Variants in GRB10 observed in about 807,000 individuals in gnomAD.
GRB10 encodes growth factor receptor bound protein 10, also known as growth factor receptor-bound protein 10.
Under a neutral mutation model 80.9 loss-of-function variants are expected in GRB10, and 20 were observed. The ratio of observed to expected loss-of-function variants is 0.25; its 90% CI spans 0.17 to 0.36. GRB10 has a LOEUF of 0.36. Ranked by LOEUF, GRB10 falls within the 10% of genes least tolerant of loss-of-function variation. GRB10 has a pLI of 1.00. For missense variants in GRB10, 548 were observed against 747.7 expected, an observed-to-expected ratio of 0.73 and a Z score of 3.12; for synonymous variants, 291 against 291.5, an observed-to-expected ratio of 1.00 and a Z score of 0.02.
chr7:50,633,538 T>C (rs2054393425), intron 7 of GRB10, among the ~76,000 whole-genome samples: 1 of 152,106 alleles, frequency 6.6e-6, no homozygotes, highest in South Asian at 2.1e-4. Flanking sequence ...ATTAGCCCTC[T>C]AGCAATGGCT....
intron 4 of GRB10, among the ~76,000 whole-genome samples, chr7:50,719,031 CAT>C (rs1357987009): frequency 6.6e-6 from 1 of 152,196 alleles, no homozygotes; most frequent in Non-Finnish European, 1.5e-5. Flanking sequence ...ATGCCCAGCA[CAT>C]GAGTGTTTAA....
intron 7 of GRB10, among the ~76,000 whole-genome samples, chr7:50,648,359 T>G (rs2237451): frequency 3.3e-5 from 5 of 152,096 alleles, no homozygotes; most frequent in Non-Finnish European, 7.4e-5. Context: ...TGGGAACAAG[T>G]GGAATTGAAT....
intron 5 of GRB10, among the ~76,000 whole-genome samples, chr7:50,689,733 C>A (rs1223926740): frequency 6.6e-6 from 1 of 151,886 alleles, no homozygotes; most frequent in Non-Finnish European, 1.5e-5. Context: ...TAATATTAGC[C>A]ATGTTAACAA....
chr7:50,767,908 G>A (rs565749291), intron 2 of GRB10, among the ~76,000 whole-genome samples: 1 of 152,246 alleles, frequency 6.6e-6, no homozygotes, highest in South Asian at 2.1e-4. Flanking sequence ...CTGGAACTGG[G>A]GAGACCAGTT....
intron 7 of GRB10, chr7:50,645,669 T>C: frequency 1.0e-6 from 1 of 980,606 alleles, no homozygotes; most frequent in Non-Finnish European, 1.2e-6. Flanking sequence ...GCAAACGCCG[T>C]CGTATCAGAC....
chr7:50,686,643 C>G (rs2062134480), intron 5 of GRB10, among the ~76,000 whole-genome samples: 1 of 152,240 alleles, frequency 6.6e-6, no homozygotes, highest in South Asian at 2.1e-4. Context: ...TAGAACATTA[C>G]ATTATTAATC....
chr7:50,631,074 G>A (rs2053907947), intron 7 of GRB10, among the ~76,000 whole-genome samples: 1 of 152,132 alleles, frequency 6.6e-6, no homozygotes, highest in Non-Finnish European at 1.5e-5. Context: ...GCCCCCACGG[G>A]GTTGTTGTGT....
intron 1 of GRB10, among the ~76,000 whole-genome samples, chr7:50,790,453 C>T (rs4947891): frequency 0.91 from 138,018 of 152,336 alleles, 62,671 homozygotes; most frequent in African/African-American, 0.96. Context: ...ACTGATTACT[C>T]AAATGAAAGA....
At chr7:50,681,529 T>A (rs1217310215) in intron 5 of GRB10, among the ~76,000 whole-genome samples, 1 of 152,234 alleles carries the variant, frequency 6.6e-6, no homozygotes, top group Admixed American at 6.5e-5. Flanking sequence ...ATTTTACAAA[T>A]GAGCTGCTAA....
At position 50,782,095 on chromosome 7, in the gene GRB10, A is replaced by G. The variant is rs1190826359; in HGVS notation, c.-327+329T>C. ...GCTGCCCACCACCTGGCGAGGAAGG[A>G]GCGGGCGAGGTTCGCTCGAATCGTC... On this transcript the variant is annotated intron_variant, in intron 1 of 18. Coordinates refer to ENST00000401949, the MANE Select transcript of GRB10 (RefSeq NM_001350814.2). The surrounding 1 kb of genome is among the most constrained non-coding windows in gnomAD (Gnocchi z 6.6). Among the ~76,000 whole-genome samples, 1 of 152,204 alleles carries G rather than the reference A, an allele frequency of 6.6e-6. No homozygotes were observed. Among genetic ancestry groups the G allele is most frequent in the Admixed American group, 6.5e-5 (1 of 15,282 alleles).
At chr7:50,787,096 G>A (rs140994495), upstream of GRB10, among the ~76,000 whole-genome samples, 232 of 152,332 alleles carry the variant, frequency 1.5e-3, 2 homozygotes, top group African/African-American at 5.2e-3. Context: ...GCTCAGCTAT[G>A]AGCAGCATTA....
chr7:50,762,508 T>C (rs148017357), intron 2 of GRB10, among the ~76,000 whole-genome samples: 1 of 152,122 alleles, frequency 6.6e-6, no homozygotes, highest in Non-Finnish European at 1.5e-5. Context: ...GATTTACAGA[T>C]ACAGGAACAG....
At chr7:50,749,137 T>TG (rs779231387) in intron 3 of GRB10, among the ~76,000 whole-genome samples, 13 of 145,150 alleles carry the variant, frequency 9.0e-5, no homozygotes, top group Non-Finnish European at 1.5e-4. Flanking sequence ...TTTGTTTGTT[T>TG]TTTTTTTTTG....
At chr7:50,647,103 C>T (rs974394644) in intron 7 of GRB10, among the ~76,000 whole-genome samples, 5 of 152,204 alleles carry the variant, frequency 3.3e-5, no homozygotes, top group South Asian at 2.1e-4. Flanking sequence ...ATTCTCTCTT[C>T]GGACAGAAAT....
intron 4 of GRB10, among the ~76,000 whole-genome samples, chr7:50,722,535 T>C (rs1205073634): frequency 6.6e-6 from 1 of 152,106 alleles, no homozygotes; most frequent in Non-Finnish European, 1.5e-5. Context: ...TGGGGGCACA[T>C]GGGCAGCAAC....
chr7:50,689,399 C>T (rs947551893), intron 5 of GRB10, among the ~76,000 whole-genome samples: 2 of 152,214 alleles, frequency 1.3e-5, no homozygotes, highest in African/African-American at 2.4e-5. Context: ...TGCCCCCTCA[C>T]TCTTTGAACA....
intron 5 of GRB10, among the ~76,000 whole-genome samples, chr7:50,682,162 G>C (rs2061610817): frequency 6.6e-6 from 1 of 152,254 alleles, no homozygotes; most frequent in South Asian, 2.1e-4. Flanking sequence ...AGAGACTCTT[G>C]AGAAGGGATC....
At chr7:50,635,793 A>C in intron 7 of GRB10, among the ~76,000 whole-genome samples, 1 of 151,862 alleles carries the variant, frequency 6.6e-6, no homozygotes, top group East Asian at 1.9e-4. Flanking sequence ...GAAATGGATA[A>C]ATTCCTGGAA....
chr7:50,606,330 T>C lies in GRB10; in HGVS notation c.1272+7A>G. On this transcript the variant is annotated splice_region_variant and intron_variant, in intron 14 of 18. Coordinates refer to ENST00000401949, the MANE Select transcript of GRB10 (RefSeq NM_001350814.2). Reference sequence around the variant, plus strand: ...ACTAGACTTCTGAAGCTCCTGGCTTTACTTACCACTGGCGTCGAGAACGGG... The same window carrying C: ...ACTAGACTTCTGAAGCTCCTGGCTTCACTTACCACTGGCGTCGAGAACGGG... 1 of 1,612,040 alleles carries C rather than the reference T, an allele frequency of 6.2e-7. No homozygotes were observed. The highest frequency in any genetic ancestry group is 1.1e-5 in the South Asian group (1 of 91,034).
Sources: gnomAD v4.1 joint callset for allele counts (sites outside exome capture counted in the v4.1 genomes callset) on GRCh38, gnomAD v4.1.1 for gene constraint, Gnocchi (gnomAD v3.1) non-coding constraint, MANE v1.5 for transcripts, NCBI Gene and HGNC (gene_info 2026-07-23, HGNC 2026-07-21) for gene names.